EPG5: variants seen among roughly 807,000 people sequenced by gnomAD.
EPG5 encodes the protein ectopic P-granules 5 autophagy tethering factor.
EPG5 carries 159 observed loss-of-function variants against 302.7 expected under a neutral mutation model. The ratio of observed to expected loss-of-function variants is 0.53; its 90% CI spans 0.46 to 0.60. The LOEUF is 0.60. Among genes scored for constraint, EPG5 ranks in the 20% least tolerant of loss-of-function variants. The pLI, the probability that EPG5 is intolerant of heterozygous loss-of-function variation, is 0.00. For missense variants in EPG5, 2,896 were observed against 3,092.4 expected (o/e 0.94, Z 1.51); for synonymous variants, 1,158 against 1,136.8 (o/e 1.02, Z -0.37).
chr18:45,880,027 G>T, intron 32 of EPG5, 48 bp downstream of exon 32: 2 of 1,486,810 alleles, frequency 1.3e-6, no homozygotes, highest in East Asian at 2.4e-5. Context: ...AATAGCAAGG[G>T]AAATAAAAAG....
chr18:45,844,219 A>G (rs1488223276), downstream of EPG5: 1 of 152,176 alleles, frequency 6.6e-6, no homozygotes, highest in Non-Finnish European at 1.5e-5. Flanking sequence ...AAAAAAGTTG[A>G]AATTGAACTC....
chr18:45,829,019 G>A, the EPG5 span: 12 of 888,760 alleles, frequency 1.4e-5, no homozygotes, highest in East Asian at 1.2e-4. Flanking sequence ...TATCTGGGGC[G>A]GGAAGGGGAG....
chr18:45,955,227 G>A lies in EPG5; in HGVS notation c.175C>T (p.His59Tyr). 1 of 1,614,104 alleles carries A rather than the reference G, an allele frequency of 6.2e-7. No individual in the cohort carries two copies. Reference protein sequence around the residue: ...PSLACEFKGDHLKVVTDSQLQ... With the variant: ...PSLACEFKGDYLKVVTDSQLQ... ...TGGGAATCAGTTACCACCTTCAGAT[G>A]GTCTCCTTTGAATTCACAGGCTAGA... is the stretch of plus-strand genomic sequence containing the variant. The change falls in exon 2 of 44, where the codon CAT becomes TAT. Residue 59 changes from histidine (H) to tyrosine (Y), a missense_variant. This residue lies in a region of EPG5 where 1,390 missense variants were observed against 1,430.0 expected (regional missense o/e 0.97). Transcript: ENST00000282041.
intron 13 of EPG5, among the ~76,000 whole-genome samples, chr18:45,926,849 CA>C (rs1394947067): frequency 6.7e-6 from 1 of 150,004 alleles, no homozygotes; most frequent in Non-Finnish European, 1.5e-5. Flanking sequence ...ACAAGAAAAA[CA>C]CTTGAGAAAA....
intron 9 of EPG5, among the ~76,000 whole-genome samples, chr18:45,942,200 G>T (rs752239173): frequency 6.6e-6 from 1 of 151,920 alleles, no homozygotes; most frequent in Admixed American, 6.6e-5. Flanking sequence ...ACTCCAGCCC[G>T]GGTGACAGAG....
chr18:45,948,787 C>T (rs1050780165), intron 5 of EPG5, among the ~76,000 whole-genome samples: 2 of 152,096 alleles, frequency 1.3e-5, no homozygotes, highest in Non-Finnish European at 2.9e-5. Flanking sequence ...GCAGTTTCCA[C>T]CAATTATCTG....
chr18:45,925,825 A>G lies in EPG5; in HGVS notation c.2631T>C (p.Asp877=). Residue 877 remains aspartate, a synonymous_variant, in exon 14 of 44, where the codon GAT becomes GAC. Coordinates refer to ENST00000282041, the MANE Select transcript of EPG5 (RefSeq NM_020964.3). The stretch of plus-strand genomic sequence containing the variant: ...CTGTCAGGTTGTAATTCAATAACCA[A>G]TCCCGAATCACCGCTATCTCAGATG... ...PSASEIAVIR[D]WLLNYNLTVV... The G allele has an allele frequency of 1.3e-6, 2 of 1,587,412 alleles. No homozygotes were observed. The highest frequency in any genetic ancestry group is 1.7e-6 in the Non-Finnish European group (2 of 1,169,086).
intron 9 of EPG5, among the ~76,000 whole-genome samples, chr18:45,940,590 G>A (rs573224617): frequency 1.1e-4 from 16 of 152,314 alleles, no homozygotes; most frequent in Admixed American, 2.6e-4. Context: ...GATTCAAAAG[G>A]ATGCATGTCT....
At chr18:45,960,670 A>G (rs1310659749) in intron 1 of EPG5, among the ~76,000 whole-genome samples, 1 of 152,220 alleles carries the variant, frequency 6.6e-6, no homozygotes, top group Non-Finnish European at 1.5e-5. Flanking sequence ...AAAAAAACCT[A>G]AAGAAAAATA....
intron 4 of EPG5, among the ~76,000 whole-genome samples, chr18:45,950,471 C>G (rs1342014577): frequency 6.6e-6 from 1 of 152,180 alleles, no homozygotes; most frequent in Non-Finnish European, 1.5e-5. Flanking sequence ...TCCTCATTCT[C>G]TCTTGCCACC....
rs1207084840 is a variant in EPG5, at chr18:45,860,308, G to A, written c.6805C>T (p.Leu2269Phe). ...SQTRHMALSS[L>F]FMEVLMMMNN... ...ATCATCATCAGGACTTCCATAAAGA[G>A]GCTGCTGAGGGCCATGTGGCGGGTC... is the stretch of plus-strand genomic sequence containing the variant. The change falls in exon 40 of 44, where the codon CTC (leucine) becomes TTC (phenylalanine). Residue 2269 changes from leucine (L) to phenylalanine (F), a missense_variant. Around this residue, in one of 5 missense-constraint regions of EPG5, gnomAD observed 620 missense variants for 704.2 expected, o/e 0.88. Transcript: ENST00000282041. The A allele has an allele frequency of 6.2e-7, 1 of 1,614,244 alleles. No individual in the cohort carries two copies. The highest frequency in any genetic ancestry group is 8.5e-7 in the Non-Finnish European group (1 of 1,180,040).
chr18:45,838,643 C>T, the EPG5 span: 1 of 1,446,902 alleles, frequency 6.9e-7, no homozygotes, highest in Non-Finnish European at 9.1e-7. Context: ...CCAGCCCCCA[C>T]CCCTCCGGCT....
chr18:45,882,009 A>G (rs1326024435), intron 31 of EPG5, among the ~76,000 whole-genome samples: 1 of 152,246 alleles, frequency 6.6e-6, no homozygotes, highest in African/African-American at 2.4e-5. Context: ...ACAAAGAAGT[A>G]CCTGCATGAC....
intron 17 of EPG5, among the ~76,000 whole-genome samples, chr18:45,917,029 A>G (rs558735350): frequency 7.4e-4 from 112 of 152,212 alleles, no homozygotes; most frequent in South Asian, 1.2e-3. Context: ...TCCGGGGGAG[A>G]AACCTGGGAA....
the EPG5 span, chr18:45,842,262 C>A: frequency 6.5e-7 from 1 of 1,544,278 alleles, no homozygotes; most frequent in Non-Finnish European, 8.9e-7. Context: ...GCTGGCACAG[C>A]CAGTCCTGGT....
the EPG5 span, among the ~76,000 whole-genome samples, chr18:45,838,191 A>G: frequency 6.6e-6 from 1 of 152,214 alleles, no homozygotes; most frequent in African/African-American, 2.4e-5. Context: ...GGCGAGAAAG[A>G]CAAGTGAATG....
chr18:45,950,727 C>T (rs1037833731), intron 4 of EPG5, among the ~76,000 whole-genome samples: 19 of 152,156 alleles, frequency 1.2e-4, no homozygotes, highest in African/African-American at 4.1e-4. Context: ...CTTGTGGCAT[C>T]GTATCAGCAC....
chr18:45,870,609 C>T lies in EPG5; in HGVS notation c.6183G>A (p.Lys2061=). Reference sequence around the variant, plus strand: ...TGAGCATCTGGTCAGGGTGCAGGTCCTTCCATGGCAGTTTCCGGTACGTGC... The same window carrying T: ...TGAGCATCTGGTCAGGGTGCAGGTCTTTCCATGGCAGTTTCCGGTACGTGC... ...FHSTYRKLPW[K]DLHPDQMLME... The change falls in exon 36 of 44, where the codon AAG becomes AAA. Residue 2061 remains lysine (K), a synonymous_variant. Transcript: ENST00000282041. The T allele has an allele frequency of 6.2e-7, 1 of 1,614,042 alleles. No individual in the cohort carries two copies. The highest frequency in any genetic ancestry group is 8.5e-7 in the Non-Finnish European group (1 of 1,179,968).
chr18:45,879,279 A>C, intron 32 of EPG5, 65 bp from the exon 33 acceptor site: 1 of 1,167,932 alleles, frequency 8.6e-7, no homozygotes, highest in Non-Finnish European at 1.2e-6. Context: ...GTTATGATAC[A>C]CTGTGATGGG....
Sources: gnomAD v4.1 joint callset for allele counts (sites outside exome capture counted in the v4.1 genomes callset) on GRCh38, gnomAD v4.1.1 for gene constraint, gnomAD v4.1.1 regional missense constraint, MANE v1.5 for transcripts, NCBI Gene and HGNC (gene_info 2026-07-23, HGNC 2026-07-21) for gene names.